Variants in LRP1B observed in about 807,000 individuals in gnomAD.
LRP1B encodes LDL receptor related protein 1B.
LRP1B carries 217 observed loss-of-function variants against 556.6 expected under a neutral mutation model. That is an observed-to-expected ratio of 0.39 (90% CI 0.35 to 0.44). The LOEUF (loss-of-function observed/expected upper bound fraction) is 0.44. Among genes scored for constraint, LRP1B ranks in the 20% least tolerant of loss-of-function variants. The probability of loss-of-function intolerance (pLI) is 1.00; values close to 1 mark genes in which losing one functional copy is unlikely to be tolerated. For synonymous variants in LRP1B, 2,047 were observed against 1,865.8 expected (o/e 1.10, Z -2.50); for missense variants, 5,053 against 5,620.8 (o/e 0.90, Z 3.23).
At chr2:141,478,750 G>T (rs1342877210) in intron 3 of LRP1B, among the ~76,000 whole-genome samples, 1 of 151,880 alleles carries the variant, frequency 6.6e-6, no homozygotes, top group East Asian at 1.9e-4. Flanking sequence ...TCATCACGTT[G>T]GCCATGCTGG....
At position 140,506,924 on chromosome 2, in the gene LRP1B, A is replaced by C. The variant is rs1272683585; in HGVS notation, c.8399-6T>G. On this transcript the variant is annotated splice_region_variant and splice_polypyrimidine_tract_variant and intron_variant, in intron 52 of 90. Coordinates refer to ENST00000389484, the MANE Select transcript of LRP1B (RefSeq NM_018557.3). Reference sequence around the variant, plus strand: ...ATCACATGTATTATTGGGAGCTAAGAAAGGCATCACAAAAAATAAAGTTAG... The same window carrying C: ...ATCACATGTATTATTGGGAGCTAAGCAAGGCATCACAAAAAATAAAGTTAG... 1 of 1,613,110 alleles carries C rather than the reference A, an allele frequency of 6.2e-7. No individual in the cohort carries two copies. Among genetic ancestry groups the C allele is most frequent in the Non-Finnish European group, 8.5e-7 (1 of 1,179,632 alleles).
At chr2:140,642,871 CA>C (rs1265068923) in intron 41 of LRP1B, among the ~76,000 whole-genome samples, 2 of 151,214 alleles carry the variant, frequency 1.3e-5, no homozygotes, top group Admixed American at 6.6e-5. Context: ...AACAAACAAA[CA>C]AAAAAATGGA....
intron 1 of LRP1B, among the ~76,000 whole-genome samples, chr2:141,825,651 A>C (rs932343821): frequency 3.9e-5 from 6 of 152,214 alleles, no homozygotes; most frequent in African/African-American, 1.4e-4. Context: ...ATGAAATATG[A>C]CGAAAAGTTC....
At chr2:140,757,323 A>G (rs1688772486) in intron 35 of LRP1B, among the ~76,000 whole-genome samples, 1 of 152,248 alleles carries the variant, frequency 6.6e-6, no homozygotes. Context: ...CAATAAAAAC[A>G]TATGTCCACA....
In LRP1B at chr2:141,779,488, C is replaced by T. The variant is rs13395356; in HGVS notation, c.205+30791G>A. On this transcript the variant is annotated intron_variant, in intron 2 of 90. Coordinates refer to ENST00000389484, the MANE Select transcript of LRP1B (RefSeq NM_018557.3). ...AGGCTGGCATGAAGTGGAGCAATCT[C>T]AGCTCACTGCAACCTCTGCCCAGGT... Among the ~76,000 whole-genome samples, 1,091 of 146,702 alleles carry T rather than the reference C, an allele frequency of 7.4e-3. 18 individuals are homozygous for T. Among genetic ancestry groups the T allele is most frequent in the African/African-American group, 0.025 (1,005 of 39,626 alleles).
intron 3 of LRP1B, among the ~76,000 whole-genome samples, chr2:141,406,450 G>T (rs1690637400): frequency 6.6e-6 from 1 of 151,682 alleles, no homozygotes; most frequent in Non-Finnish European, 1.5e-5. Context: ...AAAATATGAA[G>T]AATTTTTTAA....
At chr2:140,333,933 G>T (rs1680943098) in intron 79 of LRP1B, among the ~76,000 whole-genome samples, 1 of 151,584 alleles carries the variant, frequency 6.6e-6, no homozygotes, top group Admixed American at 6.6e-5. Context: ...TGGAGTAGTA[G>T]CTTAGATGGC....
chr2:140,394,038 T>G (rs867193820), intron 66 of LRP1B, among the ~76,000 whole-genome samples: 1 of 152,078 alleles, frequency 6.6e-6, no homozygotes, highest in Non-Finnish European at 1.5e-5. Flanking sequence ...CTTGACTGAT[T>G]ACAAGTTCAC....
chr2:141,498,448 T>C (rs1010775866), intron 2 of LRP1B, among the ~76,000 whole-genome samples: 2 of 151,972 alleles, frequency 1.3e-5, no homozygotes, highest in African/African-American at 4.8e-5. Flanking sequence ...ACATTTTTTT[T>C]AAATGTGAGT....
At chr2:141,479,677 T>C (rs1223491137) in intron 3 of LRP1B, among the ~76,000 whole-genome samples, 1 of 152,164 alleles carries the variant, frequency 6.6e-6, no homozygotes, top group East Asian at 1.9e-4. Flanking sequence ...ACCTTGATTC[T>C]GCTTCCAAAT....
intron 21 of LRP1B, among the ~76,000 whole-genome samples, chr2:140,921,521 C>A (rs1057282193): frequency 1.3e-5 from 2 of 151,832 alleles, no homozygotes; most frequent in Non-Finnish European, 2.9e-5. Flanking sequence ...TCTATTTATG[C>A]CATCAATAAT....
chr2:142,072,751 T>G (rs1437499167), intron 1 of LRP1B, among the ~76,000 whole-genome samples: 1 of 152,018 alleles, frequency 6.6e-6, no homozygotes, highest in Non-Finnish European at 1.5e-5. Context: ...TATTCTCTTT[T>G]GTAATCTACC....
At chr2:140,301,605 TTATG>T (rs1202874785) in intron 83 of LRP1B, among the ~76,000 whole-genome samples, 2 of 151,958 alleles carry the variant, frequency 1.3e-5, no homozygotes, top group African/African-American at 4.8e-5. Context: ...ATATAAAAAA[TTATG>T]TATCTTAATA....
chr2:141,105,910 C>A (rs1700591857), intron 7 of LRP1B, among the ~76,000 whole-genome samples: 1 of 151,918 alleles, frequency 6.6e-6, no homozygotes, highest in Non-Finnish European at 1.5e-5. Context: ...GGACCACAAT[C>A]ATCCTCTTAA....
chr2:140,675,434 A>G (rs1318562881), intron 41 of LRP1B, among the ~76,000 whole-genome samples: 1 of 152,238 alleles, frequency 6.6e-6, no homozygotes, highest in Non-Finnish European at 1.5e-5. Flanking sequence ...ACTAAAAATT[A>G]AAAATAAGCA....
chr2:141,986,338 C>T (rs945151910), intron 1 of LRP1B, among the ~76,000 whole-genome samples: 7 of 151,828 alleles, frequency 4.6e-5, no homozygotes, highest in African/African-American at 1.7e-4. Context: ...ATACAAATGA[C>T]TAAGAAATAC....
chr2:140,871,394 T>G (rs1693123935), intron 25 of LRP1B, among the ~76,000 whole-genome samples: 1 of 152,142 alleles, frequency 6.6e-6, no homozygotes, highest in Admixed American at 6.6e-5. Context: ...ACAGTCTTGC[T>G]AACTGTTAAG....
At chr2:140,934,118 T>A (rs1309637553) in intron 20 of LRP1B, among the ~76,000 whole-genome samples, 1 of 152,128 alleles carries the variant, frequency 6.6e-6, no homozygotes, top group Non-Finnish European at 1.5e-5. Flanking sequence ...ATTATACTTC[T>A]CTAAAATTAG....
In LRP1B at chr2:140,700,613, C is replaced by A. The variant is rs145744070; in HGVS notation, c.6436G>T (p.Val2146Phe). The change falls in exon 41 of 91, where the codon GTT becomes TTT. Residue 2146 changes from valine to phenylalanine, a missense_variant. This residue lies in a region of LRP1B where 3,619 missense variants were observed against 3,931.9 expected (regional missense o/e 0.92). Coordinates refer to ENST00000389484, the MANE Select transcript of LRP1B (RefSeq NM_018557.3). ...FNRVREKGTNVCARDNGGCKQ... is the reference protein window; with the variant it reads ...FNRVREKGTNFCARDNGGCKQ... ...CAGCCACCATTGTCCCTGGCACAAACATTGGTCCCTAATGAAGAAAAATGA... is the reference window on the plus strand; with the variant it reads ...CAGCCACCATTGTCCCTGGCACAAAAATTGGTCCCTAATGAAGAAAAATGA... 2.8e-3 allele frequency: 4,493 copies of A among 1,613,368 alleles called. 31 individuals are homozygous for A. The highest frequency in any genetic ancestry group is 0.014 in the South Asian group (1,232 of 91,064).
Sources: gnomAD v4.1 joint callset for allele counts (sites outside exome capture counted in the v4.1 genomes callset) on GRCh38, gnomAD v4.1.1 for gene constraint, gnomAD v4.1.1 regional missense constraint, MANE v1.5 for transcripts, NCBI Gene and HGNC (gene_info 2026-07-23, HGNC 2026-07-21) for gene names.